The following GALNTL6 variants were observed in gnomAD, a reference collection of about 807,000 sequenced individuals.
GALNTL6 encodes the protein polypeptide N-acetylgalactosaminyltransferase-like 6.
GALNTL6 carries 46 observed loss-of-function variants against 73.7 expected under a neutral mutation model. That is an observed-to-expected ratio of 0.62 (90% CI 0.49 to 0.80). The LOEUF (loss-of-function observed/expected upper bound fraction) is 0.80, where lower values mean the gene tolerates loss of function less well. GALNTL6 is among the 30% of genes least tolerant of loss of function. GALNTL6 has a pLI of 0.00. For synonymous variants in GALNTL6, 259 were observed against 263.7 expected (o/e 0.98, Z 0.17); for missense variants, 604 against 755.0 (o/e 0.80, Z 2.34).
At chr4:172,189,319 A>C (rs1735503246) in intron 2 of GALNTL6, among the ~76,000 whole-genome samples, 1 of 152,176 alleles carries the variant, frequency 6.6e-6, no homozygotes, top group African/African-American at 2.4e-5. Context: ...AATTCTACAA[A>C]GTAATAATTT....
chr4:172,648,170 C>T (rs539469437), intron 5 of GALNTL6, among the ~76,000 whole-genome samples: 3 of 152,232 alleles, frequency 2.0e-5, no homozygotes, highest in South Asian at 2.1e-4. Flanking sequence ...GCCAGACTGG[C>T]TATCTGCTGG....
At chr4:172,888,564 T>A (rs765837093) in intron 8 of GALNTL6, among the ~76,000 whole-genome samples, 4 of 152,202 alleles carry the variant, frequency 2.6e-5, no homozygotes, top group Non-Finnish European at 4.4e-5. Context: ...ATCAGTTCAT[T>A]GTAGGCGTGC....
chr4:171,912,782 G>C (rs1453222310), intron 2 of GALNTL6, among the ~76,000 whole-genome samples: 1 of 152,002 alleles, frequency 6.6e-6, no homozygotes, highest in African/African-American at 2.4e-5. Context: ...TTCCACCTCT[G>C]AGTGAAAACA....
At chr4:171,999,757 A>AT (rs1414975642) in intron 2 of GALNTL6, among the ~76,000 whole-genome samples, 2 of 34,688 alleles carry the variant, frequency 5.8e-5, no homozygotes, top group South Asian at 4.7e-3. Context: ...CAACTCTGAA[A>AT]TTAAAAAAAA....
At chr4:171,835,751 G>T (rs1334946803) in intron 2 of GALNTL6, among the ~76,000 whole-genome samples, 2 of 151,814 alleles carry the variant, frequency 1.3e-5, no homozygotes, top group African/African-American at 2.4e-5. Flanking sequence ...ACAAGTGACT[G>T]AATGTTAATT....
chr4:172,886,117 G>C (rs1488396667), intron 8 of GALNTL6, among the ~76,000 whole-genome samples: 1 of 152,006 alleles, frequency 6.6e-6, no homozygotes, highest in Non-Finnish European at 1.5e-5. Context: ...CAGTAGAATT[G>C]GTATTAGTTC....
At chr4:172,237,278 G>A (rs1737275143) in intron 3 of GALNTL6, among the ~76,000 whole-genome samples, 1 of 152,060 alleles carries the variant, frequency 6.6e-6, no homozygotes, top group Non-Finnish European at 1.5e-5. Context: ...TAGGTTCTTT[G>A]GGTAATCTCC....
chr4:171,857,328 G>A (rs1735719434), intron 2 of GALNTL6, among the ~76,000 whole-genome samples: 2 of 152,200 alleles, frequency 1.3e-5, no homozygotes, highest in South Asian at 4.2e-4. Context: ...AATGCTCAGT[G>A]AACAATGCAC....
At chr4:172,451,668 T>C (rs901753303) in intron 5 of GALNTL6, among the ~76,000 whole-genome samples, 21 of 152,178 alleles carry the variant, frequency 1.4e-4, no homozygotes, top group African/African-American at 4.8e-4. Context: ...TTATAAATAT[T>C]ATATGCCTTG....
intron 2 of GALNTL6, among the ~76,000 whole-genome samples, chr4:172,064,160 T>G (rs775315560): frequency 3.9e-5 from 6 of 152,234 alleles, no homozygotes; most frequent in Non-Finnish European, 5.9e-5. Context: ...ATTGGCCATA[T>G]TAAATTTTGT....
intron 11 of GALNTL6, among the ~76,000 whole-genome samples, chr4:173,013,584 C>T (rs1752649692): frequency 6.6e-6 from 1 of 151,744 alleles, no homozygotes; most frequent in African/African-American, 2.4e-5. Flanking sequence ...CTCCCACCCC[C>T]AGGCTAAAAT....
intron 5 of GALNTL6, among the ~76,000 whole-genome samples, chr4:172,393,282 A>G (rs1743731797): frequency 6.6e-6 from 1 of 152,190 alleles, no homozygotes; most frequent in African/African-American, 2.4e-5. Flanking sequence ...AGAATAAGGT[A>G]TAAGCACTTC....
At chr4:172,101,426 C>A (rs936768704) in intron 2 of GALNTL6, among the ~76,000 whole-genome samples, 3 of 152,164 alleles carry the variant, frequency 2.0e-5, no homozygotes, top group Admixed American at 6.5e-5. Context: ...CATTCTAATT[C>A]TCACTCAGGA....
chr4:172,389,974 A>G (rs977580128), intron 5 of GALNTL6, among the ~76,000 whole-genome samples: 55 of 152,000 alleles, frequency 3.6e-4, no homozygotes, highest in Admixed American at 3.9e-4. Context: ...ATTTAGCGAC[A>G]GATCCACACT....
rs560634775 is a variant in GALNTL6, at chr4:172,640,993, C to T, written c.554-168368C>T. Among the ~76,000 whole-genome samples, 12 of 152,152 alleles carry T rather than the reference C, an allele frequency of 7.9e-5. No homozygotes were observed. The South Asian group carries it at 1.5e-3, about 18-fold the overall frequency. ...TTGGGTCTCAGTAACTCCATTTTAC[C>T]ATCCTTTCGTGATCCTGGTCAAAAA... On this transcript the variant is annotated intron_variant, in intron 5 of 12. Transcript: ENST00000506823.
At chr4:173,015,746 A>T (rs191499466) in intron 11 of GALNTL6, among the ~76,000 whole-genome samples, 2 of 152,328 alleles carry the variant, frequency 1.3e-5, no homozygotes, top group East Asian at 3.9e-4. Flanking sequence ...TAGAAAAAAA[A>T]ATTTCTGGAG....
chr4:172,032,207 A>G (rs1454745656), intron 2 of GALNTL6, among the ~76,000 whole-genome samples: 1 of 152,140 alleles, frequency 6.6e-6, no homozygotes, highest in Non-Finnish European at 1.5e-5. Context: ...TTAAGCAAAA[A>G]CAACTTGAAG....
intron 2 of GALNTL6, among the ~76,000 whole-genome samples, chr4:172,121,622 G>C (rs1180495715): frequency 2.0e-5 from 3 of 152,112 alleles, no homozygotes; most frequent in African/African-American, 7.2e-5. Context: ...GAGTAAGTCA[G>C]TGTCAAAACT....
chr4:172,168,527 G>T (rs1440822679), intron 2 of GALNTL6, among the ~76,000 whole-genome samples: 2 of 152,174 alleles, frequency 1.3e-5, no homozygotes, highest in Non-Finnish European at 2.9e-5. Flanking sequence ...TGATGCTAGT[G>T]TTGGTAATGT....
Sources: allele counts gnomAD v4.1 joint callset (sites outside exome capture counted in the v4.1 genomes callset), GRCh38; gene constraint gnomAD v4.1.1; transcripts MANE v1.5; gene names NCBI Gene and HGNC (gene_info 2026-07-23, HGNC 2026-07-21).